The following CACNG4 variants were observed in gnomAD, a reference collection of about 807,000 sequenced individuals.
The protein encoded by CACNG4 is calcium voltage-gated channel auxiliary subunit gamma 4.
In CACNG4, 8 loss-of-function variants were observed where a neutral mutation model predicts 22.9. The observed-to-expected ratio is 0.35, with a 90% CI of 0.21 to 0.63. The LOEUF is 0.63. CACNG4 is among the 30% of genes least tolerant of loss of function. The pLI is 0.72. For missense variants in CACNG4, 357 were observed against 455.4 expected, an observed-to-expected ratio of 0.78 and a Z score of 1.97; for synonymous variants, 188 against 191.9, an observed-to-expected ratio of 0.98 and a Z score of 0.17.
intron 1 of CACNG4, among the ~76,000 whole-genome samples, chr17:67,014,257 T>C (rs560832471): frequency 2.6e-5 from 4 of 152,310 alleles, no homozygotes; most frequent in Admixed American, 6.5e-5. Flanking sequence ...GTGAAGTGGA[T>C]TGAAAATGGC....
At chr17:66,994,327 CAAA>C (rs142191712) in intron 1 of CACNG4, among the ~76,000 whole-genome samples, 7 of 125,686 alleles carry the variant, frequency 5.6e-5, no homozygotes, top group African/African-American at 1.1e-4. Flanking sequence ...ACCCTATTTC[CAAA>C]AAAAAAAAAA....
intron 1 of CACNG4, among the ~76,000 whole-genome samples, chr17:67,011,360 C>A (rs1477005721): frequency 6.6e-6 from 1 of 152,120 alleles, no homozygotes; most frequent in African/African-American, 2.4e-5. Context: ...GACTCCACAC[C>A]TTCATCATCT....
chr17:66,975,353 G>A (rs542216505), intron 1 of CACNG4, among the ~76,000 whole-genome samples: 9 of 152,094 alleles, frequency 5.9e-5, no homozygotes, highest in Non-Finnish European at 8.8e-5. Flanking sequence ...AGCATCAGAC[G>A]GTCAGCATTG....
chr17:67,011,485 T>G (rs2035467651), intron 1 of CACNG4, among the ~76,000 whole-genome samples: 1 of 152,166 alleles, frequency 6.6e-6, no homozygotes, highest in Non-Finnish European at 1.5e-5. Context: ...TATTCATTTA[T>G]TTTATCTTCT....
intron 1 of CACNG4, among the ~76,000 whole-genome samples, chr17:66,972,035 G>C (rs766422298): frequency 1.1e-4 from 17 of 152,208 alleles, no homozygotes; most frequent in Non-Finnish European, 2.5e-4. Context: ...GCAGAGATGG[G>C]AGAAGTGGAG....
At position 66,978,198 on chromosome 17, in the gene CACNG4, A is replaced by G. The variant is rs2035249582; in HGVS notation, c.220+13067A>G. On this transcript the variant is annotated intron_variant, in intron 1 of 3. Transcript: ENST00000262138. ...CTAGCTGTGGGGCCTTAAGCCAGTC[A>G]TTGCACCTCCTTTGAACCTCAGTTG... 2.0e-5 allele frequency among the ~76,000 whole-genome samples: 3 copies of G among 152,200 alleles called. No individual in the cohort carries two copies. The South Asian group carries it at 6.2e-4, about 31-fold the overall frequency.
chr17:67,024,649 G>A (rs1475535316), intron 2 of CACNG4, among the ~76,000 whole-genome samples: 4 of 152,208 alleles, frequency 2.6e-5, no homozygotes, highest in Non-Finnish European at 5.9e-5. Context: ...CAGGGTGAAG[G>A]GCAGGCCCGG....
intron 1 of CACNG4, among the ~76,000 whole-genome samples, chr17:67,015,737 C>A (rs2143350408): frequency 6.6e-6 from 1 of 152,216 alleles, no homozygotes; most frequent in Non-Finnish European, 1.5e-5. Context: ...ACTCCTTTTT[C>A]TTTTTCAACC....
At chr17:67,017,581 G>A (rs951073071) in intron 1 of CACNG4, among the ~76,000 whole-genome samples, 4 of 151,856 alleles carry the variant, frequency 2.6e-5, no homozygotes, top group South Asian at 2.1e-4. Context: ...GCAGTGGCGC[G>A]ATCTTGGCTC....
rs1222116572 is a variant in CACNG4 at position 67,017,804 on chromosome 17, C to T, written c.221-385C>T. ...ATGCTGGGATTACAGGCATGAGCCACCGTGCCCAGCCTGTTTTTTATTTTT... is the reference window on the plus strand; with the variant it reads ...ATGCTGGGATTACAGGCATGAGCCATCGTGCCCAGCCTGTTTTTTATTTTT... On this transcript the variant is annotated intron_variant, in intron 1 of 3. Transcript: ENST00000262138. Among the ~76,000 whole-genome samples the T allele has an allele frequency of 3.3e-5, 5 of 152,146 alleles. No homozygotes were observed. In the East Asian group the frequency reaches 9.6e-4, roughly 29 times the overall value.
rs1266608016 is a variant in CACNG4, at chr17:67,032,208, G to GGAGATCTCAGCAC, written c.*1205_*1217dup. On this transcript the variant is annotated 3_prime_UTR_variant, in exon 4 of 4. Coordinates refer to ENST00000262138, the MANE Select transcript of CACNG4 (RefSeq NM_014405.4). ...GGGCTTCTCTTCCTCCCTACAGAGG[G>GGAGATCTCAGCAC]GAGATCTCAGCACTTTGTCCGGAGC... 1 of 356,216 alleles carries GGAGATCTCAGCAC rather than the reference G, an allele frequency of 2.8e-6. No homozygotes were observed. The highest frequency in any genetic ancestry group is 2.1e-5 in the African/African-American group (1 of 46,710). The allele number at this position is 356,216 out of a possible 1,614,324, so 22.1% of individuals were successfully genotyped here. A position where few individuals can be genotyped will look rare whatever the true frequency, so the allele number is the denominator to read the frequency against.
chr17:67,018,299 T>C (rs1266786049), intron 2 of CACNG4, 27 bp downstream of exon 2: 3 of 1,581,648 alleles, frequency 1.9e-6, no homozygotes, highest in Admixed American at 1.7e-5. Context: ...CTGGACTCTC[T>C]TTCTGTGGGG....
At chr17:67,012,195 C>T (rs2035472344) in intron 1 of CACNG4, among the ~76,000 whole-genome samples, 1 of 152,188 alleles carries the variant, frequency 6.6e-6, no homozygotes, top group Non-Finnish European at 1.5e-5. Context: ...TTCCCTGAGC[C>T]TCACTTTCCT....
intron 1 of CACNG4, among the ~76,000 whole-genome samples, chr17:66,980,478 G>A (rs1401388823): frequency 6.6e-6 from 1 of 152,108 alleles, no homozygotes; most frequent in Non-Finnish European, 1.5e-5. Context: ...GAAGACGCTT[G>A]CTTTTTTAAA....
At chr17:66,974,007 G>C (rs1245776515) in intron 1 of CACNG4, among the ~76,000 whole-genome samples, 1 of 152,194 alleles carries the variant, frequency 6.6e-6, no homozygotes, top group East Asian at 1.9e-4. Flanking sequence ...ACTTTTCAAA[G>C]CTGTGAAAAT....
chr17:67,016,753 G>A (rs1567758078), intron 1 of CACNG4, among the ~76,000 whole-genome samples: 1 of 152,160 alleles, frequency 6.6e-6, no homozygotes, highest in African/African-American at 2.4e-5. Context: ...GGACGTGGCG[G>A]CAACACCCTG....
At chr17:67,029,121 T>C (rs1045630622) in intron 3 of CACNG4, among the ~76,000 whole-genome samples, 14 of 147,932 alleles carry the variant, frequency 9.5e-5, no homozygotes, top group Non-Finnish European at 2.1e-4. Flanking sequence ...TCACGTAAGG[T>C]CCCGAGTTTG....
intron 1 of CACNG4, among the ~76,000 whole-genome samples, chr17:66,995,589 C>T (rs576854089): frequency 6.6e-5 from 10 of 152,254 alleles, no homozygotes; most frequent in African/African-American, 2.4e-4. Context: ...CAGGGGCTCA[C>T]CCCTGTAATC....
intron 3 of CACNG4, among the ~76,000 whole-genome samples, chr17:67,025,884 G>A (rs929047765): frequency 7.9e-5 from 12 of 151,384 alleles, no homozygotes; most frequent in Non-Finnish European, 1.5e-4. Flanking sequence ...AGCCGCCATT[G>A]GGGAGCCAAG....
Sources: gnomAD v4.1 joint callset for allele counts (sites outside exome capture counted in the v4.1 genomes callset) on GRCh38, gnomAD v4.1.1 for gene constraint, MANE v1.5 for transcripts, NCBI Gene and HGNC (gene_info 2026-07-23, HGNC 2026-07-21) for gene names.